Variants in TPO observed in about 807,000 individuals in gnomAD.
The protein encoded by TPO is thyroid microsomal antigen.
TPO carries 78 observed loss-of-function variants against 96.9 expected under a neutral mutation model. The ratio of observed to expected loss-of-function variants is 0.81; its 90% CI spans 0.67 to 0.97. The LOEUF (loss-of-function observed/expected upper bound fraction) is 0.97, where lower values mean the gene tolerates loss of function less well. TPO is among the 50% of genes least tolerant of loss of function. The pLI is 0.00. For missense variants in TPO, 1,252 were observed against 1,274.8 expected (o/e 0.98, Z 0.27); for synonymous variants, 547 against 538.0 (o/e 1.02, Z -0.23).
At chr2:1,398,375 G>A (rs1343447847) in intron 1 of TPO, among the ~76,000 whole-genome samples, 7 of 152,190 alleles carry the variant, frequency 4.6e-5, no homozygotes, top group African/African-American at 1.7e-4. Flanking sequence ...CTGGAAACTT[G>A]TGGGTTTCAA....
At chr2:1,492,616 T>C (rs1027367417) in intron 10 of TPO, among the ~76,000 whole-genome samples, 1 of 152,274 alleles carries the variant, frequency 6.6e-6, no homozygotes, top group Non-Finnish European at 1.5e-5. Context: ...CCTGGCTATT[T>C]CTCCCAGTTC....
Position 1,542,530 on chromosome 2 carries a change from A to ACTCTTTTCCAAACACAGGC in TPO, c.*57_*75dup. The ACTCTTTTCCAAACACAGGC allele has an allele frequency of 6.2e-7, 1 of 1,609,788 alleles. No individual in the cohort carries two copies. The highest frequency in any genetic ancestry group is 8.5e-7 in the Non-Finnish European group (1 of 1,178,124). ...TTCATGTTCCCAAAATCACCGTACG[A>ACTCTTTTCCAAACACAGGC]CTCTTTTCCAAACACAGGCAAATCC... On this transcript the variant is annotated 3_prime_UTR_variant, in exon 17 of 17. Coordinates refer to ENST00000329066, the MANE Select transcript of TPO (RefSeq NM_001206744.2).
At chr2:1,532,990 CA>C in intron 15 of TPO, among the ~76,000 whole-genome samples, 1 of 104,722 alleles carries the variant, frequency 9.5e-6, no homozygotes, top group Non-Finnish European at 2.0e-5. Flanking sequence ...AAATCCCTCC[CA>C]CTGTGTGCAA....
chr2:1,442,229 G>A (rs1177004269), intron 5 of TPO, among the ~76,000 whole-genome samples: 1 of 152,176 alleles, frequency 6.6e-6, no homozygotes, highest in Non-Finnish European at 1.5e-5. Flanking sequence ...AGATGGAGTA[G>A]GGGAGGGCTA....
chr2:1,389,560 G>C (rs1380222979), intron 1 of TPO, among the ~76,000 whole-genome samples: 3 of 152,022 alleles, frequency 2.0e-5, no homozygotes, highest in Non-Finnish European at 4.4e-5. Context: ...AAACAGTCTT[G>C]GTGGGTGGAA....
At chr2:1,375,414 G>A (rs1346330194) in intron 1 of TPO, among the ~76,000 whole-genome samples, 1 of 152,130 alleles carries the variant, frequency 6.6e-6, no homozygotes, top group Non-Finnish European at 1.5e-5. Flanking sequence ...ACAAGTCCCA[G>A]TGGGACCTGT....
At chr2:1,441,574 G>C (rs1179227056) in intron 5 of TPO, among the ~76,000 whole-genome samples, 3 of 152,172 alleles carry the variant, frequency 2.0e-5, no homozygotes, top group African/African-American at 7.2e-5. Flanking sequence ...AACCTGTGGA[G>C]ACCTCTTCAT....
At chr2:1,411,936 G>A (rs1662381409), upstream of TPO, among the ~76,000 whole-genome samples, 1 of 152,176 alleles carries the variant, frequency 6.6e-6, no homozygotes, top group Admixed American at 6.5e-5. Flanking sequence ...CAGGCTGGGG[G>A]ACTGTGTCCC....
At chr2:1,424,113 A>G (rs1664077488) in intron 3 of TPO, among the ~76,000 whole-genome samples, 1 of 152,180 alleles carries the variant, frequency 6.6e-6, no homozygotes. Context: ...TGTGCCCAAG[A>G]TGGCTGGGGC....
chr2:1,511,663 C>G (rs921149882), intron 14 of TPO, among the ~76,000 whole-genome samples: 1 of 152,172 alleles, frequency 6.6e-6, no homozygotes, highest in Non-Finnish European at 1.5e-5. Context: ...CCCATGTCCT[C>G]CCAGGGCAGT....
intron 8 of TPO, among the ~76,000 whole-genome samples, chr2:1,480,752 C>CGTCCACACCACCTCCCTCCTCCTGCATCT (rs1558338799): frequency 5.4e-5 from 8 of 148,960 alleles, no homozygotes; most frequent in South Asian, 4.2e-4. Flanking sequence ...CTGCTGCATC[C>CGTCCACACCACCTCCCTCCTCCTGCATCT]GTCCACACCA....
At chr2:1,384,876 G>T (rs1177837800) in intron 1 of TPO, among the ~76,000 whole-genome samples, 1 of 152,152 alleles carries the variant, frequency 6.6e-6, no homozygotes, top group Non-Finnish European at 1.5e-5. Flanking sequence ...ATTATTTTTA[G>T]ATACATCCCA....
rs144125778 is a variant in TPO, at chr2:1,540,956, C to A, written c.2748+233C>A. On this transcript the variant is annotated intron_variant, in intron 16 of 16. Coordinates refer to ENST00000329066, the MANE Select transcript of TPO (RefSeq NM_001206744.2). ...TGCCTTCCATTTGTACAAACCGGTT[C>A]CAAAACTAAGGGCTCACTTTCAGGC... is the stretch of plus-strand genomic sequence containing the variant. 424 of 1,500,144 alleles carry A rather than the reference C, an allele frequency of 2.8e-4. 5 individuals are homozygous for A. The East Asian group carries it at 0.01, about 36-fold the overall frequency. The allele number at this position is 1,500,144 out of a possible 1,614,324, so 92.9% of individuals were successfully genotyped here.
Position 1,515,563 on chromosome 2 carries a change from G to T in TPO, c.2519-1320G>T, listed in dbSNP as rs571353702. Among the ~76,000 whole-genome samples the T allele has an allele frequency of 3.2e-4, 48 of 152,268 alleles. 1 individual carries two copies. In the South Asian group the frequency reaches 1.0e-2, roughly 32 times the overall value. On this transcript the variant is annotated intron_variant, in intron 14 of 16. Transcript: ENST00000329066. ...CAACAAATGCTTGCTGAGTGTCCAA[G>T]ACCCATGCGAGGAAGACAGCCACGG... is the stretch of plus-strand genomic sequence containing the variant.
intron 15 of TPO, among the ~76,000 whole-genome samples, chr2:1,519,484 T>C (rs1254627079): frequency 6.6e-6 from 1 of 152,206 alleles, no homozygotes; most frequent in Non-Finnish European, 1.5e-5. Context: ...CAAGACACTA[T>C]ACTGATCTGT....
chr2:1,390,165 C>T (rs566336449), intron 1 of TPO, among the ~76,000 whole-genome samples: 5 of 152,078 alleles, frequency 3.3e-5, no homozygotes, highest in African/African-American at 9.7e-5. Flanking sequence ...GCTATCCCCC[C>T]CCAGCTCCCC....
At chr2:1,480,113 A>G (rs915295133) in intron 8 of TPO, among the ~76,000 whole-genome samples, 10 of 152,168 alleles carry the variant, frequency 6.6e-5, no homozygotes, top group Non-Finnish European at 1.5e-4. Context: ...AATAATAACA[A>G]CAGCAACCAA....
At chr2:1,486,283 A>G (rs1263376981) in intron 9 of TPO, among the ~76,000 whole-genome samples, 1 of 152,144 alleles carries the variant, frequency 6.6e-6, no homozygotes, top group Non-Finnish European at 1.5e-5. Context: ...GCACTTTGGG[A>G]GGCTGAGGCA....
intron 1 of TPO, among the ~76,000 whole-genome samples, chr2:1,374,841 C>T (rs538910472): frequency 1.6e-4 from 25 of 151,704 alleles, no homozygotes; most frequent in Non-Finnish European, 3.1e-4. Flanking sequence ...ATTCTCCTGC[C>T]TCAACCTCCC....
Sources: allele counts gnomAD v4.1 joint callset (sites outside exome capture counted in the v4.1 genomes callset), GRCh38; gene constraint gnomAD v4.1.1; transcripts MANE v1.5; gene names NCBI Gene and HGNC (gene_info 2026-07-23, HGNC 2026-07-21).